Variants in CDKL1 observed in about 807,000 individuals in gnomAD.
The protein encoded by CDKL1 is cyclin dependent kinase like 1.
CDKL1 carries 41 observed loss-of-function variants against 42.0 expected under a neutral mutation model. That is an observed-to-expected ratio of 0.98 (90% CI 0.76 to 1.27). The LOEUF is 1.27. Among genes scored for constraint, CDKL1 ranks in the 50% most tolerant of loss-of-function variants. CDKL1 has a pLI of 0.00. For synonymous variants in CDKL1, 153 were observed against 158.6 expected, an observed-to-expected ratio of 0.96 and a Z score of 0.26; for missense variants, 394 against 428.4, an observed-to-expected ratio of 0.92 and a Z score of 0.71.
rs1450663128 is a variant in CDKL1, at chr14:50,346,214, G to C, written c.291-1156C>G. On this transcript the variant is annotated intron_variant, in intron 3 of 9. Transcript: ENST00000395834. The stretch of plus-strand genomic sequence containing the variant: ...AGGAAATCCTTTCAAGCAGATCAGG[G>C]GGTGTTTGAACAGAGAGTGGGATCA... Among the ~76,000 whole-genome samples the C allele has an allele frequency of 4.6e-5, 7 of 152,008 alleles. No individual in the cohort carries two copies. The East Asian group carries it at 9.7e-4, about 21-fold the overall frequency.
intron 2 of CDKL1, among the ~76,000 whole-genome samples, chr14:50,393,652 A>G (rs1469007310): frequency 6.6e-6 from 1 of 152,196 alleles, no homozygotes; most frequent in African/African-American, 2.4e-5. Flanking sequence ...CCAGCCTAGT[A>G]CGTATTATGT....
intron 2 of CDKL1, chr14:50,377,551 C>T: frequency 7.6e-7 from 1 of 1,322,090 alleles, no homozygotes; most frequent in Non-Finnish European, 1.0e-6. Context: ...CTGAAGTGGC[C>T]TTAGCTAGCA....
chr14:50,344,636 A>ATT (rs201210115), intron 4 of CDKL1, among the ~76,000 whole-genome samples: 1 of 149,888 alleles, frequency 6.7e-6, no homozygotes, highest in Non-Finnish European at 1.5e-5. Flanking sequence ...CACCCAGTTC[A>ATT]TTTTTTTTTA....
In CDKL1 at chr14:50,372,100, AT is replaced by A. The variant is rs1369416931; in HGVS notation, c.169-12952del. Among the ~76,000 whole-genome samples the A allele has an allele frequency of 2.0e-4, 30 of 152,150 alleles. No homozygotes were observed. In the South Asian group the frequency reaches 3.9e-3, roughly 20 times the overall value. The stretch of plus-strand genomic sequence containing the variant: ...TTTGAGTGTATTATATGTTTTGGGT[AT>A]TTTTGTTTTGTTTTGTTTTGTTTTG... On this transcript the variant is annotated intron_variant, in intron 2 of 9. Coordinates refer to ENST00000395834, the MANE Select transcript of CDKL1 (RefSeq NM_004196.7).
rs529140666 is a variant in CDKL1, at chr14:50,363,165, G to A, written c.169-4016C>T. The A allele has an allele frequency of 1.0e-4, 24 of 231,678 alleles. No individual in the cohort carries two copies. In the East Asian group the frequency reaches 1.8e-3, roughly 17 times the overall value. 14.4% of individuals were successfully genotyped at this position (231,678 alleles called of 1,614,324 possible). ...CAGAAGGAAGAAACTCAACACATCC[G>A]AACATCAGAAGGAACAAACTCCGGA... is the stretch of plus-strand genomic sequence containing the variant. On this transcript the variant is annotated intron_variant, in intron 2 of 9. Coordinates refer to ENST00000395834, the MANE Select transcript of CDKL1 (RefSeq NM_004196.7).
Position 50,332,339 on chromosome 14 carries a change from C to T in CDKL1, c.889G>A (p.Ala297Thr). Residue 297 changes from alanine (A) to threonine (T), a missense_variant, in exon 9 of 10, where the codon GCA (alanine) becomes ACA (threonine). By Grantham distance (58) the Ala-to-Thr change is moderately conservative. Coordinates refer to ENST00000395834, the MANE Select transcript of CDKL1 (RefSeq NM_004196.7). Reference sequence around the variant, plus strand: ...CTTGTTGGTTTGTTGTGTTCTTTTGCCAAATCCTCTATTTCTCTGATGTTT... The same window carrying T: ...CTTGTTGGTTTGTTGTGTTCTTTTGTCAAATCCTCTATTTCTCTGATGTTT... Reference protein sequence around the residue: ...FENIREIEDLAKEHNKPTRKT... With the variant: ...FENIREIEDLTKEHNKPTRKT... 1 of 1,614,148 alleles carries T rather than the reference C, an allele frequency of 6.2e-7. No homozygotes were observed. The highest frequency in any genetic ancestry group is 8.5e-7 in the Non-Finnish European group (1 of 1,180,014).
At chr14:50,349,513 G>A (rs1490577111) in intron 3 of CDKL1, among the ~76,000 whole-genome samples, 2 of 152,184 alleles carry the variant, frequency 1.3e-5, no homozygotes, top group Non-Finnish European at 2.9e-5. Context: ...GGGAGATGAC[G>A]GGATAACTGC....
At chr14:50,396,681 A>ACCCGCGC (rs995618904) in intron 1 of CDKL1, 143 bp downstream of exon 1, 38 of 163,186 alleles carry the variant, frequency 2.3e-4, no homozygotes, top group East Asian at 3.8e-4. Context: ...CAGGAGACCA[A>ACCCGCGC]CCCGCGCCCC....
chr14:50,369,278 G>A (rs1318719164), intron 2 of CDKL1, among the ~76,000 whole-genome samples: 1 of 152,024 alleles, frequency 6.6e-6, no homozygotes, highest in African/African-American at 2.4e-5. Flanking sequence ...TTATGAGCTA[G>A]GGCTGAGAGC....
chr14:50,368,849 T>G (rs1486321395), intron 2 of CDKL1, among the ~76,000 whole-genome samples: 1 of 151,718 alleles, frequency 6.6e-6, no homozygotes, highest in Non-Finnish European at 1.5e-5. Flanking sequence ...TTGAAGAATT[T>G]TGTGCTAGTT....
At chr14:50,338,633 T>A (rs1249133994) in intron 7 of CDKL1, among the ~76,000 whole-genome samples, 1 of 152,112 alleles carries the variant, frequency 6.6e-6, no homozygotes, top group Non-Finnish European at 1.5e-5. Context: ...AACTTTACCT[T>A]GATAGGTCTA....
chr14:50,350,173 A>G (rs1343309208), intron 3 of CDKL1, among the ~76,000 whole-genome samples: 1 of 152,114 alleles, frequency 6.6e-6, no homozygotes, highest in Non-Finnish European at 1.5e-5. Flanking sequence ...GGCCTCCCAA[A>G]ACACTGGGAT....
At chr14:50,341,539 G>A (rs886251942) in intron 5 of CDKL1, among the ~76,000 whole-genome samples, 1 of 151,606 alleles carries the variant, frequency 6.6e-6, no homozygotes, top group Non-Finnish European at 1.5e-5. Context: ...AGCACTTTGG[G>A]AGGCCGAGGT....
chr14:50,358,928 C>A (rs2034151262), intron 3 of CDKL1, 100 bp downstream of exon 3: 6 of 1,211,434 alleles, frequency 5.0e-6, no homozygotes, highest in Non-Finnish European at 7.1e-6. Flanking sequence ...GCATGAGCCA[C>A]TGCACCCGGC....
In CDKL1 at chr14:50,384,937, G is replaced by A. The variant is rs1268034035; in HGVS notation, c.168+10764C>T. Among the ~76,000 whole-genome samples the A allele has an allele frequency of 2.6e-5, 4 of 151,852 alleles. No homozygotes were observed. The East Asian group carries it at 7.7e-4, about 29-fold the overall frequency. ...AATGCAAAAATTAGCCAGGCATGAT[G>A]GCAGGCACCTGTGATTCCAGCCACT... On this transcript the variant is annotated intron_variant, in intron 2 of 9. Transcript: ENST00000395834.
intron 2 of CDKL1, chr14:50,362,904 ACACTGTGGAAGCTTTGTTCTTT>A (rs1374836887): frequency 4.3e-5 from 19 of 445,126 alleles, no homozygotes; most frequent in Non-Finnish European, 9.1e-5. Flanking sequence ...GGCACCATTC[ACACTGTGGAAGCTTTGTTCTTT>A]CACTCTTTGC....
chr14:50,369,566 T>C (rs961596789), intron 2 of CDKL1, among the ~76,000 whole-genome samples: 2 of 147,158 alleles, frequency 1.4e-5, no homozygotes, highest in African/African-American at 2.5e-5. Flanking sequence ...CAATTTATAA[T>C]TATATATATA....
In CDKL1 at chr14:50,329,986, T is replaced by C. The variant is rs969351142; in HGVS notation, c.*88A>G. 1.4e-6 allele frequency: 2 copies of C among 1,465,692 alleles called. No homozygotes were observed. Among genetic ancestry groups the C allele is most frequent in the Middle Eastern group, 1.8e-4 (1 of 5,442 alleles). The allele number at this position is 1,465,692 out of a possible 1,614,324, so 90.8% of individuals were successfully genotyped here. Reference sequence around the variant, plus strand: ...GTTTTCTCCTGGTGTGTTTTCAACATTGTAATTGTTTTCAATCAACTGTAT... The same window carrying C: ...GTTTTCTCCTGGTGTGTTTTCAACACTGTAATTGTTTTCAATCAACTGTAT... On this transcript the variant is annotated 3_prime_UTR_variant, in exon 10 of 10. Coordinates refer to ENST00000395834, the MANE Select transcript of CDKL1 (RefSeq NM_004196.7).
At position 50,363,309 on chromosome 14, in the gene CDKL1, T is replaced by C. The variant is rs539511130; in HGVS notation, c.169-4160A>G. 17 of 171,986 alleles carry C rather than the reference T, an allele frequency of 9.9e-5. 1 individual carries two copies. In the South Asian group the frequency reaches 1.7e-3, roughly 18 times the overall value. The allele number at this position is 171,986 out of a possible 1,614,324, so 10.7% of individuals were successfully genotyped here. A position where few individuals can be genotyped will look rare whatever the true frequency, so the allele number is the denominator to read the frequency against. ...GTTTGGATCTTAGAACTGAGGGCAC[T>C]CCAAGCTATAAAATGCCACATTTGT... is the stretch of plus-strand genomic sequence containing the variant. On this transcript the variant is annotated intron_variant, in intron 2 of 9. Coordinates refer to ENST00000395834, the MANE Select transcript of CDKL1 (RefSeq NM_004196.7).
Sources: gnomAD v4.1 joint callset for allele counts (sites outside exome capture counted in the v4.1 genomes callset) on GRCh38, gnomAD v4.1.1 for gene constraint, MANE v1.5 for transcripts, NCBI Gene and HGNC (gene_info 2026-07-23, HGNC 2026-07-21) for gene names.